RCOR1: variants seen among roughly 807,000 people sequenced by gnomAD.
RCOR1 encodes REST corepressor 1.
A neutral mutation model predicts 64.0 loss-of-function variants in RCOR1; 12 were observed. That is an observed-to-expected ratio of 0.19 (90% CI 0.12 to 0.30). The LOEUF is 0.30. RCOR1 is among the 10% of genes least tolerant of loss of function. The pLI is 1.00. For missense variants in RCOR1, 502 were observed against 621.2 expected (o/e 0.81, Z 2.04); for synonymous variants, 279 against 227.2 (o/e 1.23, Z -2.05).
At chr14:102,701,148 T>G in intron 3 of RCOR1, 130 bp from the exon 4 acceptor site, 4 of 763,816 alleles carry the variant, frequency 5.2e-6, no homozygotes, top group Non-Finnish European at 9.2e-6. Flanking sequence ...CAAATCAAAA[T>G]GAGATTTGGG....
intron 3 of RCOR1, among the ~76,000 whole-genome samples, chr14:102,686,178 G>T (rs1201482971): frequency 6.6e-6 from 1 of 152,110 alleles, no homozygotes; most frequent in South Asian, 2.1e-4. Flanking sequence ...ATAGCTCACT[G>T]CAGCCTTGAA....
At chr14:102,705,887 A>G (rs925697786) in intron 4 of RCOR1, among the ~76,000 whole-genome samples, 1 of 151,950 alleles carries the variant, frequency 6.6e-6, no homozygotes, top group Non-Finnish European at 1.5e-5. Context: ...CCAGCACTTC[A>G]GGCAGATCAC....
At chr14:102,704,428 A>G (rs4906250) in intron 4 of RCOR1, among the ~76,000 whole-genome samples, 67,863 of 152,096 alleles carry the variant, frequency 0.45, 16,634 homozygotes, top group African/African-American at 0.66. Context: ...AACCCTTCTG[A>G]GATTTTTTAT....
intron 2 of RCOR1, among the ~76,000 whole-genome samples, chr14:102,626,127 A>AT (rs1215521170): frequency 6.6e-6 from 1 of 152,156 alleles, no homozygotes; most frequent in Admixed American, 6.6e-5. Context: ...ACGTCAGTTC[A>AT]TTGATTATAC....
At chr14:102,701,862 A>C (rs1895763804) in intron 4 of RCOR1, among the ~76,000 whole-genome samples, 1 of 152,082 alleles carries the variant, frequency 6.6e-6, no homozygotes, top group Non-Finnish European at 1.5e-5. Context: ...CAAGTAGCTG[A>C]GATTACAGGT....
At chr14:102,707,812 C>T (rs1238833912) in intron 5 of RCOR1, among the ~76,000 whole-genome samples, 1 of 138,390 alleles carries the variant, frequency 7.2e-6, no homozygotes, top group Non-Finnish European at 1.5e-5. Context: ...TTTTTTTAGA[C>T]GGAGTCTCGC....
At chr14:102,640,643 G>C (rs1485106402) in intron 2 of RCOR1, among the ~76,000 whole-genome samples, 1 of 151,800 alleles carries the variant, frequency 6.6e-6, no homozygotes, top group Non-Finnish European at 1.5e-5. Context: ...TTTCTGCAGA[G>C]GCTATCACAC....
chr14:102,720,051 A>C (rs971216832), intron 8 of RCOR1, among the ~76,000 whole-genome samples: 7 of 152,214 alleles, frequency 4.6e-5, no homozygotes, highest in Admixed American at 2.6e-4. Context: ...GTTTAAATTT[A>C]GATTAATTAC....
intron 2 of RCOR1, among the ~76,000 whole-genome samples, chr14:102,676,976 C>T (rs1470540888): frequency 9.7e-5 from 10 of 103,462 alleles, no homozygotes; most frequent in African/African-American, 4.2e-4. Flanking sequence ...CCAGTAGGGG[C>T]GGCCGGGCAG....
intron 2 of RCOR1, chr14:102,629,867 T>TTC (rs1894073257): frequency 4.6e-6 from 1 of 215,930 alleles, no homozygotes; most frequent in Non-Finnish European, 7.9e-6. Context: ...ATAAAACTGA[T>TTC]ATTTAGAGAG....
intron 2 of RCOR1, among the ~76,000 whole-genome samples, chr14:102,676,752 C>T (rs1296037815): frequency 1.0e-4 from 10 of 99,444 alleles, no homozygotes; most frequent in Admixed American, 1.7e-4. Context: ...ACCTCCCTCC[C>T]GGACGGGGCG....
At chr14:102,607,812 G>T (rs1046945614) in intron 2 of RCOR1, among the ~76,000 whole-genome samples, 1 of 152,190 alleles carries the variant, frequency 6.6e-6, no homozygotes, top group East Asian at 1.9e-4. Flanking sequence ...AACCCGGGAG[G>T]TGGAGGCTGC....
At chr14:102,595,499 A>G (rs1253577622) in intron 2 of RCOR1, among the ~76,000 whole-genome samples, 1 of 152,208 alleles carries the variant, frequency 6.6e-6, no homozygotes, top group Non-Finnish European at 1.5e-5. Context: ...TGTCTCAGAA[A>G]TAAAAAGGAA....
At chr14:102,725,613 G>A (rs976525356) in intron 11 of RCOR1, among the ~76,000 whole-genome samples, 2 of 152,052 alleles carry the variant, frequency 1.3e-5, no homozygotes, top group African/African-American at 4.8e-5. Flanking sequence ...TTGTTCTGTT[G>A]CCCAGAGCAA....
intron 2 of RCOR1, among the ~76,000 whole-genome samples, chr14:102,653,388 T>C (rs2139931458): frequency 6.6e-6 from 1 of 152,218 alleles, no homozygotes; most frequent in Middle Eastern, 3.4e-3. Flanking sequence ...CCAGCTAATT[T>C]TTTCTATTTT....
intron 8 of RCOR1, among the ~76,000 whole-genome samples, chr14:102,720,581 G>T (rs1412275165): frequency 6.6e-6 from 1 of 152,178 alleles, no homozygotes; most frequent in Non-Finnish European, 1.5e-5. Flanking sequence ...GCGCTGTGAG[G>T]CTGCACCCGC....
At chr14:102,640,959 A>G (rs1894356221) in intron 2 of RCOR1, among the ~76,000 whole-genome samples, 2 of 152,072 alleles carry the variant, frequency 1.3e-5, no homozygotes, top group Admixed American at 1.3e-4. Flanking sequence ...TCTCAGAAGA[A>G]AAACAGAAAA....
At position 102,610,624 on chromosome 14, in the gene RCOR1, G is replaced by A. The variant is rs149068828; in HGVS notation, c.361+17299G>A. Among the ~76,000 whole-genome samples, 127 of 152,142 alleles carry A rather than the reference G, an allele frequency of 8.3e-4. 1 individual carries two copies. Among genetic ancestry groups the A allele is most frequent in the African/African-American group, 2.9e-3 (119 of 41,520 alleles). On this transcript the variant is annotated intron_variant, in intron 2 of 11. Coordinates refer to ENST00000262241, the MANE Select transcript of RCOR1 (RefSeq NM_015156.4). ...GTTCCCCAGGCTGGAGTGCAGTGGC[G>A]CCATCTCAGCTTACTGCAAGCTCGC...
chr14:102,656,931 A>T, intron 2 of RCOR1: 1 of 198,966 alleles, frequency 5.0e-6, no homozygotes. Flanking sequence ...ATACACCACC[A>T]TGCATGGCTC....
Sources: allele counts gnomAD v4.1 joint callset (sites outside exome capture counted in the v4.1 genomes callset), GRCh38; gene constraint gnomAD v4.1.1; transcripts MANE v1.5; gene names NCBI Gene and HGNC (gene_info 2026-07-23, HGNC 2026-07-21).